The following ALDH1L1 variants were observed in gnomAD, a reference collection of about 807,000 sequenced individuals.
ALDH1L1 encodes aldehyde dehydrogenase 1 family member L1.
ALDH1L1 carries 68 observed loss-of-function variants against 101.1 expected under a neutral mutation model. That is an observed-to-expected ratio of 0.67 (90% CI 0.55 to 0.82). ALDH1L1 has a LOEUF of 0.82. Among genes scored for constraint, ALDH1L1 ranks in the 40% least tolerant of loss-of-function variants. The pLI, the probability that ALDH1L1 is intolerant of heterozygous loss-of-function variation, is 0.00. For missense variants in ALDH1L1, 1,087 were observed against 1,172.7 expected, an observed-to-expected ratio of 0.93 and a Z score of 1.07; for synonymous variants, 486 against 470.8, an observed-to-expected ratio of 1.03 and a Z score of -0.42.
upstream of ALDH1L1, among the ~76,000 whole-genome samples, chr3:126,186,045 G>C (rs1443127795): frequency 2.0e-5 from 3 of 152,102 alleles, no homozygotes; most frequent in Non-Finnish European, 2.9e-5. Context: ...GGGAGAATGG[G>C]GAGTTCATGT....
chr3:126,157,770 T>C (rs772662970), intron 3 of ALDH1L1, among the ~76,000 whole-genome samples: 2 of 152,184 alleles, frequency 1.3e-5, no homozygotes, highest in Non-Finnish European at 2.9e-5. Flanking sequence ...GGTTTACAGA[T>C]AGGGAAACTA....
At chr3:126,171,086 AAGG>A (rs2081265904) in intron 1 of ALDH1L1, among the ~76,000 whole-genome samples, 1 of 152,188 alleles carries the variant, frequency 6.6e-6, no homozygotes, top group African/African-American at 2.4e-5. Context: ...ATCACGAGGT[AAGG>A]AGATCAAGAC....
Position 126,146,854 on chromosome 3 carries a change from C to T in ALDH1L1, c.1057G>A (p.Ala353Thr), listed in dbSNP as rs377659679. 2.5e-5 allele frequency: 40 copies of T among 1,614,090 alleles called. No homozygotes were observed. Among genetic ancestry groups the T allele is most frequent in the South Asian group, 2.2e-4 (20 of 91,068 alleles). ...CCTTACCTCACAACGTCCACAGACG[C>T]GGCCCCTGACTTGAAGAAATCAGTG... is the stretch of plus-strand genomic sequence containing the variant. ...DSTDFFKSGA[A>T]SVDVVRLVEE... Residue 353 changes from alanine (A) to threonine (T), a missense_variant, in exon 9 of 23, where the codon GCG becomes ACG. Physicochemically the swap from Ala to Thr is moderately conservative, Grantham distance 58. Transcript: ENST00000393434.
intron 1 of ALDH1L1, among the ~76,000 whole-genome samples, chr3:126,166,938 G>T (rs1320086339): frequency 1.3e-5 from 2 of 152,032 alleles, no homozygotes; most frequent in Non-Finnish European, 2.9e-5. Context: ...CATAATTTCT[G>T]CTCATACAAT....
Position 126,146,857 on chromosome 3 carries a change from C to T in ALDH1L1, c.1054G>A (p.Ala352Thr), listed in dbSNP as rs2080698189. ...TACCTCACAACGTCCACAGACGCGG[C>T]CCCTGACTTGAAGAAATCAGTGGAG... ...EDSTDFFKSG[A>T]ASVDVVRLVE... The change falls in exon 9 of 23, where the codon GCC (alanine) becomes ACC (threonine). Residue 352 changes from alanine to threonine, a missense_variant. By Grantham distance (58) the Ala-to-Thr change is moderately conservative (BLOSUM62 0). Coordinates refer to ENST00000393434, the MANE Select transcript of ALDH1L1 (RefSeq NM_012190.4). 8.7e-6 allele frequency: 14 copies of T among 1,614,098 alleles called. No homozygotes were observed. The highest frequency in any genetic ancestry group is 2.2e-5 in the South Asian group (2 of 91,072).
At chr3:126,119,856 G>A (rs2080043836) in intron 16 of ALDH1L1, among the ~76,000 whole-genome samples, 1 of 152,170 alleles carries the variant, frequency 6.6e-6, no homozygotes. Context: ...ACAGACAGAT[G>A]GCAAGTAAGC....
intron 8 of ALDH1L1, among the ~76,000 whole-genome samples, chr3:126,147,793 CTCTT>C (rs2080725810): frequency 6.6e-6 from 1 of 152,168 alleles, no homozygotes; most frequent in Non-Finnish European, 1.5e-5. Context: ...CCCGGCTCTC[CTCTT>C]TCTTTCTTGG....
Position 126,103,835 on chromosome 3 carries a change from G to A in ALDH1L1, c.2665C>T (p.Leu889=). The A allele has an allele frequency of 2.5e-6, 4 of 1,613,484 alleles. No individual in the cohort carries two copies. The South Asian group carries it at 3.3e-5, about 13-fold the overall frequency. Reference sequence around the variant, plus strand: ...GTCTTGACCCGCAGGTACTCGTTCAGAGCCGCCTCTCCTGTAAGACACCAC... The same window carrying A: ...GTCTTGACCCGCAGGTACTCGTTCAAAGCCGCCTCTCCTGTAAGACACCAC... ...GFGKDLGEAA[L]NEYLRVKTVT... is the part of the protein sequence containing the mutation. Residue 889 remains leucine, a synonymous_variant, in exon 23 of 23, where the codon CTG becomes TTG. Transcript: ENST00000393434.
Position 126,117,994 on chromosome 3 carries a change from C to A in ALDH1L1, c.1982+11G>T. 6.2e-7 allele frequency: 1 copy of A among 1,610,948 alleles called. No individual in the cohort carries two copies. ...AGCAGCCCCTCCTCTGCTCCACCCC[C>A]AGCCACGCACCTTTTCATGATGTGC... On this transcript the variant is annotated intron_variant, in intron 17 of 22. Transcript: ENST00000393434.
chr3:126,160,585 G>A, intron 2 of ALDH1L1: 1 of 432,978 alleles, frequency 2.3e-6, no homozygotes, highest in Non-Finnish European at 4.1e-6. Flanking sequence ...GTGGGACCTG[G>A]GACCAGGCTG....
chr3:126,114,721 G>C, intron 17 of ALDH1L1, 65 bp from the exon 18 acceptor site: 1 of 1,482,976 alleles, frequency 6.7e-7, no homozygotes, highest in South Asian at 1.2e-5. Context: ...TGGGACCCCA[G>C]GTGGCAGGGA....
At chr3:126,125,202 C>T (rs1559929193) in intron 15 of ALDH1L1, among the ~76,000 whole-genome samples, 1 of 152,176 alleles carries the variant, frequency 6.6e-6, no homozygotes. Flanking sequence ...CGAATCCCAC[C>T]GCTCACCCTG....
chr3:126,158,627 T>C lies in ALDH1L1; in HGVS notation c.140A>G (p.Glu47Gly). 1 of 1,612,726 alleles carries C rather than the reference T, an allele frequency of 6.2e-7. No homozygotes were observed. Among genetic ancestry groups the C allele is most frequent in the South Asian group, 1.1e-5 (1 of 91,064 alleles). The change falls in exon 3 of 23, where the codon GAG (glutamate) becomes GGG (glycine). Residue 47 changes from glutamate (E) to glycine (G), a missense_variant. By Grantham distance (98) the Glu-to-Gly change is moderately conservative. This residue lies in a region of ALDH1L1 where 645 missense variants were observed against 637.0 expected (regional missense o/e 1.01). Coordinates refer to ENST00000393434, the MANE Select transcript of ALDH1L1 (RefSeq NM_012190.4). Reference protein sequence around the residue: ...GKADPLGLEAEKDGVPVFKYS... With the variant: ...GKADPLGLEAGKDGVPVFKYS... ...CTTGAATACCGGCACTCCATCCTTC[T>C]CAGCTTCCAGACCTGTGGGACGGTG...
At chr3:126,106,092 G>A (rs1945860728) in intron 21 of ALDH1L1, among the ~76,000 whole-genome samples, 167 bp from the exon 22 acceptor site, 1 of 152,204 alleles carries the variant, frequency 6.6e-6, no homozygotes. Flanking sequence ...GGCTGCGAGC[G>A]AGGAGGAAGG....
intron 1 of ALDH1L1, among the ~76,000 whole-genome samples, chr3:126,194,517 A>G (rs2081571024): frequency 6.6e-6 from 1 of 152,234 alleles, no homozygotes; most frequent in Non-Finnish European, 1.5e-5. Flanking sequence ...TAAACCTTTT[A>G]TCACCCTCTA....
At chr3:126,136,938 A>C (rs2108252375) in intron 10 of ALDH1L1, 55 bp from the exon 11 acceptor site, 2 of 1,606,496 alleles carry the variant, frequency 1.2e-6, no homozygotes, top group Non-Finnish European at 1.7e-6. Flanking sequence ...CAGGAAGCAT[A>C]CACAGATGGC....
At chr3:126,120,381 C>T (rs11924478) in intron 16 of ALDH1L1, among the ~76,000 whole-genome samples, 35,086 of 152,120 alleles carry the variant, frequency 0.23, 4,137 homozygotes, top group Non-Finnish European at 0.26. Flanking sequence ...ATGAAAAGCC[C>T]GCATATGATT....
intron 17 of ALDH1L1, chr3:126,115,489 T>G (rs2079944673): frequency 1.7e-5 from 1 of 60,216 alleles, no homozygotes; most frequent in South Asian, 4.7e-4. Context: ...TTGCTCTTCT[T>G]TTTTTTTTTT....
chr3:126,134,739 G>A (rs965324183), intron 12 of ALDH1L1, among the ~76,000 whole-genome samples: 5 of 152,238 alleles, frequency 3.3e-5, no homozygotes, highest in Admixed American at 6.5e-5. Flanking sequence ...CCTGCCAGGT[G>A]AGGAGCTTCG....
Sources: allele counts gnomAD v4.1 joint callset (sites outside exome capture counted in the v4.1 genomes callset), GRCh38; gene constraint gnomAD v4.1.1; regional missense constraint gnomAD v4.1.1; transcripts MANE v1.5; gene names NCBI Gene and HGNC (gene_info 2026-07-23, HGNC 2026-07-21).